CFAP43: variants seen among roughly 807,000 people sequenced by gnomAD.
CFAP43 encodes the protein cilia and flagella associated protein 43, also known as cilia- and flagella-associated protein 43.
Under a neutral mutation model 218.9 loss-of-function variants are expected in CFAP43, and 155 were observed. That is an observed-to-expected ratio of 0.71 (90% confidence interval 0.62 to 0.81). The LOEUF is 0.81. Ranked by LOEUF, CFAP43 falls within the 30% of genes least tolerant of loss-of-function variation. The probability of loss-of-function intolerance (pLI) is 0.00; values close to 1 mark genes in which losing one functional copy is unlikely to be tolerated. For missense variants in CFAP43, 1,778 were observed against 1,954.3 expected (o/e 0.91, Z 1.70); for synonymous variants, 645 against 681.3 (o/e 0.95, Z 0.83).
Position 104,192,243 on chromosome 10 carries a change from A to T in CFAP43, c.1502T>A (p.Ile501Asn). The change falls in exon 12 of 38, where the codon ATC becomes AAC. Residue 501 changes from isoleucine to asparagine, a missense_variant. Ile to Asn is a moderately radical substitution (Grantham distance 149). Around this residue, in one of 3 missense-constraint regions of CFAP43, gnomAD observed 1,553 missense variants for 1,685.2 expected, o/e 0.92. Transcript: ENST00000357060. ...VGTAEGKVFI[I>N]NANSSSSFQI... The stretch of plus-strand genomic sequence containing the variant: ...AAATGAGCTTGAGGAGTTGGCATTG[A>T]TAATAAAGACTTTTCCTTCTGCTGT... 1 of 1,613,190 alleles carries T rather than the reference A, an allele frequency of 6.2e-7. No homozygotes were observed. The highest frequency in any genetic ancestry group is 1.1e-5 in the South Asian group (1 of 91,030).
chr10:104,130,831 C>T (rs1260130181), intron 37 of CFAP43, among the ~76,000 whole-genome samples: 1 of 151,652 alleles, frequency 6.6e-6, no homozygotes, highest in Admixed American at 6.6e-5. Context: ...AACCTACTCT[C>T]TACAAAACAT....
At chr10:104,227,921 G>A (rs919200335) in intron 2 of CFAP43, among the ~76,000 whole-genome samples, 3 of 134,926 alleles carry the variant, frequency 2.2e-5, no homozygotes, top group East Asian at 2.3e-4. Flanking sequence ...ATCTCGGCTC[G>A]CTGCAACCTC....
chr10:104,171,448 T>C (rs767642023), intron 20 of CFAP43, among the ~76,000 whole-genome samples: 13 of 152,302 alleles, frequency 8.5e-5, no homozygotes, highest in South Asian at 2.1e-4. Context: ...AATAAACATG[T>C]TTATCAGGAC....
intron 7 of CFAP43, 96 bp from the exon 8 acceptor site, chr10:104,203,899 C>A (rs538283815): frequency 1.8e-6 from 2 of 1,113,412 alleles, no homozygotes; most frequent in African/African-American, 3.2e-5. Context: ...ATTACTTCTA[C>A]TGCTTATTTG....
chr10:104,224,122 C>T (rs973729976), intron 3 of CFAP43, among the ~76,000 whole-genome samples: 10 of 152,164 alleles, frequency 6.6e-5, no homozygotes, highest in African/African-American at 2.4e-4. Context: ...CAGCTCACTG[C>T]AAGCTCCGCC....
Position 104,142,373 on chromosome 10 carries a change from G to A in CFAP43, c.4179C>T (p.Asp1393=), listed in dbSNP as rs371636502. The A allele has an allele frequency of 1.2e-5, 20 of 1,612,868 alleles. No homozygotes were observed. The Middle Eastern group carries it at 4.9e-4, about 40-fold the overall frequency. Residue 1393 remains aspartate, a synonymous_variant, in exon 33 of 38, where the codon GAC becomes GAT. Transcript: ENST00000357060. ...NEQKVKQKAA[D]LLEMATFLQK... is the part of the protein sequence containing the mutation. ...GGAGGAAAGTTGCCATTTCCAATAA[G>A]TCAGCTGCTTTCTGCTTTACCTAAA...
chr10:104,168,981 T>G, intron 20 of CFAP43, 133 bp from the exon 21 acceptor site: 1 of 686,032 alleles, frequency 1.5e-6, no homozygotes, highest in Non-Finnish European at 2.5e-6. Context: ...TCCAACACTT[T>G]GAGCCACCTT....
chr10:104,204,629 A>T (rs921868635), intron 7 of CFAP43, among the ~76,000 whole-genome samples: 2 of 152,168 alleles, frequency 1.3e-5, no homozygotes, highest in African/African-American at 2.4e-5. Context: ...CTTGAAGAGG[A>T]CAAGAGTCAT....
chr10:104,222,180 T>C lies in CFAP43; in HGVS notation c.416+3281A>G, dbSNP rs1020354388. On this transcript the variant is annotated intron_variant, in intron 3 of 37. Transcript: ENST00000357060. The stretch of plus-strand genomic sequence containing the variant: ...GTCTGACTTCCAGAAGTTTCACCTC[T>C]TTTGAACTTTTACTAAATTATTTCT... Among the ~76,000 whole-genome samples the C allele has an allele frequency of 3.3e-5, 5 of 152,306 alleles. No individual in the cohort carries two copies. In the East Asian group the frequency reaches 7.7e-4, roughly 23 times the overall value.
intron 22 of CFAP43, 168 bp downstream of exon 22, chr10:104,167,453 T>C: frequency 2.3e-6 from 1 of 428,506 alleles, no homozygotes; most frequent in Non-Finnish European, 4.0e-6. Flanking sequence ...ATTGTGTGGA[T>C]ATAGGCTCCT....
intron 17 of CFAP43, 134 bp downstream of exon 17, chr10:104,182,232 T>G (rs1345258633): frequency 2.0e-6 from 2 of 1,015,732 alleles, no homozygotes; most frequent in African/African-American, 3.4e-5. Context: ...CTTATTCCCT[T>G]TTTGAAAATC....
At chr10:104,172,559 T>A in intron 19 of CFAP43, 24 bp from the exon 20 acceptor site, 1 of 1,563,002 alleles carries the variant, frequency 6.4e-7, no homozygotes, top group Non-Finnish European at 8.6e-7. Context: ...TAAAAAAGAG[T>A]GCTGACAAGT....
chr10:104,163,091 T>G (rs753137163), intron 24 of CFAP43, among the ~76,000 whole-genome samples: 2 of 152,176 alleles, frequency 1.3e-5, no homozygotes, highest in African/African-American at 2.4e-5. Flanking sequence ...GAAAAATGAC[T>G]TGCTTAAACA....
At chr10:104,171,776 A>G (rs1028154655) in intron 20 of CFAP43, among the ~76,000 whole-genome samples, 1 of 152,240 alleles carries the variant, frequency 6.6e-6, no homozygotes, top group Non-Finnish European at 1.5e-5. Flanking sequence ...GAAGTATAGT[A>G]TGAATGGAGG....
chr10:104,170,077 C>G (rs2134839948), intron 20 of CFAP43, among the ~76,000 whole-genome samples: 2 of 152,212 alleles, frequency 1.3e-5, no homozygotes, highest in Middle Eastern at 3.4e-3. Flanking sequence ...TATTCTGATC[C>G]TAAACATGCT....
chr10:104,224,466 TA>T (rs796707775), intron 3 of CFAP43, among the ~76,000 whole-genome samples: 1 of 151,958 alleles, frequency 6.6e-6, no homozygotes, highest in Non-Finnish European at 1.5e-5. Context: ...AAAGCTGTTT[TA>T]AAAAAATTTT....
chr10:104,162,673 G>T lies in CFAP43; in HGVS notation c.3247-270C>A, dbSNP rs542154503. Among the ~76,000 whole-genome samples the T allele has an allele frequency of 1.4e-4, 22 of 152,032 alleles. No individual in the cohort carries two copies. The East Asian group carries it at 4.1e-3, about 28-fold the overall frequency. On this transcript the variant is annotated intron_variant, in intron 24 of 37. Transcript: ENST00000357060. ...CTGATAGATTAAGGAGGGGAGGGAG[G>T]GGGGCTCAAAGAAGTGCCATCTAAG... is the stretch of plus-strand genomic sequence containing the variant.
At chr10:104,159,234 A>G (rs1310050285) in intron 27 of CFAP43, among the ~76,000 whole-genome samples, 1 of 152,176 alleles carries the variant, frequency 6.6e-6, no homozygotes, top group Non-Finnish European at 1.5e-5. Context: ...TTTGCAGTAA[A>G]GGAGAGCAGA....
chr10:104,156,356 C>CA (rs563131324), intron 27 of CFAP43, among the ~76,000 whole-genome samples: 12 of 150,132 alleles, frequency 8.0e-5, no homozygotes, highest in African/African-American at 2.0e-4. Flanking sequence ...AGTCTAAGAA[C>CA]AAAAAAAAAG....
Sources: gnomAD v4.1 joint callset for allele counts (sites outside exome capture counted in the v4.1 genomes callset) on GRCh38, gnomAD v4.1.1 for gene constraint, gnomAD v4.1.1 regional missense constraint, MANE v1.5 for transcripts, NCBI Gene and HGNC (gene_info 2026-07-23, HGNC 2026-07-21) for gene names.